The following ST3GAL3 variants were observed in gnomAD, a reference collection of about 807,000 sequenced individuals.
ST3GAL3 encodes the protein ST3 beta-galactoside alpha-2,3-sialyltransferase 3, also known as CMP-N-acetylneuraminate-beta-1,4-galactoside alpha-2,3-sialyltransferase.
Under a neutral mutation model 50.1 loss-of-function variants are expected in ST3GAL3, and 21 were observed. The observed-to-expected ratio is 0.42, with a 90% CI of 0.30 to 0.60. The LOEUF (loss-of-function observed/expected upper bound fraction) is 0.60. Ranked by LOEUF, ST3GAL3 falls within the 20% of genes least tolerant of loss-of-function variation. ST3GAL3 has a pLI of 0.19. For missense variants in ST3GAL3, 353 were observed against 489.4 expected (o/e 0.72, Z 2.63); for synonymous variants, 183 against 190.0 (o/e 0.96, Z 0.30).
chr1:43,852,288 AGATTTACT>A (rs1334768458), intron 5 of ST3GAL3, among the ~76,000 whole-genome samples: 1 of 152,240 alleles, frequency 6.6e-6, no homozygotes, highest in African/African-American at 2.4e-5. Context: ...AAAGGAACTC[AGATTTACT>A]GAGCACTTGT....
chr1:43,898,902 C>G (rs972335249), intron 7 of ST3GAL3, among the ~76,000 whole-genome samples: 1 of 152,186 alleles, frequency 6.6e-6, no homozygotes, highest in Non-Finnish European at 1.5e-5. Context: ...TCCTCACCAC[C>G]CACGCCTGGC....
At chr1:43,879,491 C>T (rs899963039) in intron 5 of ST3GAL3, 3 of 449,544 alleles carry the variant, frequency 6.7e-6, no homozygotes, top group South Asian at 4.7e-5. Context: ...GGACTAGGGC[C>T]GTAGCAGTGG....
intron 11 of ST3GAL3, chr1:43,922,361 GC>G (rs1379868519): frequency 6.6e-6 from 1 of 151,804 alleles, no homozygotes; most frequent in African/African-American, 2.4e-5. Flanking sequence ...AATTAGCCAG[GC>G]GTGGTGGTGG....
intron 5 of ST3GAL3, 88 bp from the exon 6 acceptor site, chr1:43,894,295 T>C: frequency 7.7e-7 from 1 of 1,305,624 alleles, no homozygotes. Context: ...TTCCAGCAGA[T>C]CCTTTGCCAA....
chr1:43,916,218 T>C (rs1215342903), intron 9 of ST3GAL3, among the ~76,000 whole-genome samples: 1 of 152,258 alleles, frequency 6.6e-6, no homozygotes, highest in African/African-American at 2.4e-5. Flanking sequence ...TTTCAGTTAC[T>C]CTACTGGGCT....
chr1:43,802,299 G>T (rs1014813234), intron 3 of ST3GAL3, among the ~76,000 whole-genome samples: 13 of 152,114 alleles, frequency 8.5e-5, no homozygotes, highest in African/African-American at 2.9e-4. Context: ...TACTTATTCA[G>T]ATGTTTACAG....
intron 1 of ST3GAL3, among the ~76,000 whole-genome samples, chr1:43,721,293 A>G (rs951801312): frequency 2.1e-5 from 3 of 141,354 alleles, no homozygotes; most frequent in Non-Finnish European, 4.6e-5. Context: ...CTATAATTAA[A>G]CCTTTTTTTT....
chr1:43,727,764 G>C (rs1673641876), intron 1 of ST3GAL3, among the ~76,000 whole-genome samples: 1 of 152,078 alleles, frequency 6.6e-6, no homozygotes. Context: ...ACATTGTTCT[G>C]GGTTTTAGGT....
chr1:43,836,651 C>T (rs2064375062), intron 4 of ST3GAL3, among the ~76,000 whole-genome samples: 1 of 152,236 alleles, frequency 6.6e-6, no homozygotes, highest in African/African-American at 2.4e-5. Context: ...TGGCAGCAGG[C>T]CCAAGGGTGG....
At chr1:43,849,493 T>C (rs1371568197) in intron 5 of ST3GAL3, among the ~76,000 whole-genome samples, 1 of 152,252 alleles carries the variant, frequency 6.6e-6, no homozygotes, top group Admixed American at 6.5e-5. Context: ...CTATAATTCT[T>C]ATAGACATTC....
At chr1:43,792,281 C>G in intron 3 of ST3GAL3, 132 bp downstream of exon 3, 1 of 1,176,616 alleles carries the variant, frequency 8.5e-7, no homozygotes. Context: ...TCTCAAGAAG[C>G]CTTTCTAGAG....
intron 5 of ST3GAL3, chr1:43,858,017 A>T (rs1228313455): frequency 4.7e-6 from 3 of 631,930 alleles, no homozygotes; most frequent in Non-Finnish European, 7.3e-6. Context: ...ATCCCTCTTC[A>T]CAGATGGTTT....
intron 4 of ST3GAL3, among the ~76,000 whole-genome samples, chr1:43,834,760 T>C (rs2064050643): frequency 6.6e-6 from 1 of 152,196 alleles, no homozygotes; most frequent in African/African-American, 2.4e-5. Context: ...TCACACAGCA[T>C]GTGTGTCCCC....
intron 1 of ST3GAL3, among the ~76,000 whole-genome samples, chr1:43,713,837 C>T (rs1278901167): frequency 6.6e-6 from 1 of 152,048 alleles, no homozygotes; most frequent in Non-Finnish European, 1.5e-5. Context: ...CGGCCAGCCA[C>T]GTTGTGGTTT....
intron 5 of ST3GAL3, among the ~76,000 whole-genome samples, chr1:43,851,839 C>CT (rs2067369178): frequency 1.3e-5 from 2 of 152,194 alleles, no homozygotes; most frequent in South Asian, 2.1e-4. Context: ...ACCCAATGCC[C>CT]TGTACACTGC....
chr1:43,830,629 T>C (rs1016091777), intron 4 of ST3GAL3, among the ~76,000 whole-genome samples: 1 of 152,218 alleles, frequency 6.6e-6, no homozygotes, highest in African/African-American at 2.4e-5. Context: ...ATAGAAGAAT[T>C]GAACAGAGGA....
intron 11 of ST3GAL3, among the ~76,000 whole-genome samples, chr1:43,923,495 G>A (rs144197138): frequency 6.6e-6 from 1 of 152,314 alleles, no homozygotes; most frequent in East Asian, 1.9e-4. Context: ...AGGCTGGGAA[G>A]TGCAAGATCA....
At chr1:43,917,629 TAA>T (rs1158119314) in intron 9 of ST3GAL3, among the ~76,000 whole-genome samples, 10,112 of 75,324 alleles carry the variant, frequency 0.13, 789 homozygotes, top group South Asian at 0.25. Context: ...ATATTATATA[TAA>T]TATATAATAT....
intron 3 of ST3GAL3, among the ~76,000 whole-genome samples, chr1:43,808,130 G>A (rs1306998882): frequency 1.3e-5 from 2 of 151,872 alleles, no homozygotes; most frequent in African/African-American, 4.8e-5. Flanking sequence ...AGTGAAACAC[G>A]GTGTGTACTA....
Sources: allele counts gnomAD v4.1 joint callset (sites outside exome capture counted in the v4.1 genomes callset), GRCh38; gene constraint gnomAD v4.1.1; transcripts MANE v1.5; gene names NCBI Gene and HGNC (gene_info 2026-07-23, HGNC 2026-07-21).